The following GRAMD1B variants were observed in gnomAD, a reference collection of about 807,000 sequenced individuals.
GRAMD1B encodes protein Aster-B.
GRAMD1B carries 37 observed loss-of-function variants against 99.7 expected under a neutral mutation model. The observed-to-expected ratio is 0.37, with a 90% CI of 0.29 to 0.49. GRAMD1B has a LOEUF of 0.49. Among genes scored for constraint, GRAMD1B ranks in the 20% least tolerant of loss-of-function variants. The pLI is 0.98. For synonymous variants in GRAMD1B, 427 were observed against 387.6 expected, an observed-to-expected ratio of 1.10 and a Z score of -1.19; for missense variants, 888 against 1,009.2, an observed-to-expected ratio of 0.88 and a Z score of 1.63.
chr11:123,588,501 G>A (rs1363386446), intron 4 of GRAMD1B, among the ~76,000 whole-genome samples: 11 of 152,162 alleles, frequency 7.2e-5, no homozygotes, highest in Admixed American at 7.2e-4. Flanking sequence ...ATGTTTTTGG[G>A]TAGTTACTGT....
chr11:123,381,878 G>A (rs565468612), intron 1 of GRAMD1B, among the ~76,000 whole-genome samples: 1 of 152,348 alleles, frequency 6.6e-6, no homozygotes, highest in Non-Finnish European at 1.5e-5. Context: ...CTAGCCTGAA[G>A]TCAGCCAGCT....
chr11:123,480,529 T>G (rs1951535891), intron 1 of GRAMD1B, among the ~76,000 whole-genome samples: 1 of 152,102 alleles, frequency 6.6e-6, no homozygotes, highest in African/African-American at 2.4e-5. Context: ...ATTTGCTCTT[T>G]GAGGTTTATA....
At chr11:123,432,227 G>C in intron 1 of GRAMD1B, 1 of 392,162 alleles carries the variant, frequency 2.5e-6, no homozygotes, top group Admixed American at 4.4e-5. Flanking sequence ...GTAAGGGGTT[G>C]TAGAGGCTGA....
intron 4 of GRAMD1B, among the ~76,000 whole-genome samples, chr11:123,588,382 C>T (rs758515869): frequency 6.6e-6 from 1 of 152,170 alleles, no homozygotes; most frequent in Admixed American, 6.5e-5. Context: ...GGAGACAAAG[C>T]CTTCTGCGTA....
At chr11:123,463,201 C>T (rs1285027124) in intron 1 of GRAMD1B, among the ~76,000 whole-genome samples, 1 of 152,150 alleles carries the variant, frequency 6.6e-6, no homozygotes, top group Non-Finnish European at 1.5e-5. Context: ...TCAGTAGAGT[C>T]GGGGTTTCAC....
intron 1 of GRAMD1B, among the ~76,000 whole-genome samples, chr11:123,409,183 T>C (rs1229482531): frequency 2.0e-5 from 3 of 152,242 alleles, no homozygotes; most frequent in Non-Finnish European, 4.4e-5. Flanking sequence ...GTGCTTTTGA[T>C]AATTATGGTA....
chr11:123,568,702 A>G (rs1947695506), intron 2 of GRAMD1B, among the ~76,000 whole-genome samples: 1 of 152,166 alleles, frequency 6.6e-6, no homozygotes, highest in African/African-American at 2.4e-5. Context: ...GAAGTGTGGC[A>G]CGCCTGGACC....
chr11:123,548,419 T>C (rs1410575045), intron 2 of GRAMD1B, among the ~76,000 whole-genome samples: 1 of 148,536 alleles, frequency 6.7e-6, no homozygotes, highest in African/African-American at 2.5e-5. Flanking sequence ...CTCAAAGCAG[T>C]GTGGGCACAA....
At chr11:123,438,934 G>T (rs1186295348) in intron 1 of GRAMD1B, among the ~76,000 whole-genome samples, 11 of 152,218 alleles carry the variant, frequency 7.2e-5, no homozygotes, top group African/African-American at 2.7e-4. Context: ...TAGACCTGGG[G>T]CCAAGGCTGG....
chr11:123,534,864 CAAA>C (rs1033813571), intron 2 of GRAMD1B, among the ~76,000 whole-genome samples: 1 of 147,048 alleles, frequency 6.8e-6, no homozygotes, highest in Non-Finnish European at 1.5e-5. Context: ...AACTCCATCT[CAAA>C]GAAAAAAAAA....
intron 2 of GRAMD1B, among the ~76,000 whole-genome samples, chr11:123,549,229 C>T (rs924393965): frequency 6.6e-6 from 1 of 152,136 alleles, no homozygotes; most frequent in African/African-American, 2.4e-5. Flanking sequence ...CTTCTTAACA[C>T]TTGCAGAGCT....
At chr11:123,615,100 A>C (rs1645075426) in intron 17 of GRAMD1B, among the ~76,000 whole-genome samples, 2 of 152,226 alleles carry the variant, frequency 1.3e-5, no homozygotes, top group Admixed American at 1.3e-4. Context: ...TCAGGGTTTC[A>C]GTTTCAAGTG....
At position 123,591,882 on chromosome 11, in the gene GRAMD1B, T is replaced by C. The variant is rs76573866; in HGVS notation, c.685-2200T>C. 0.013 allele frequency among the ~76,000 whole-genome samples: 1,989 copies of C among 152,234 alleles called. 30 individuals are homozygous for C. The highest frequency in any genetic ancestry group is 0.033 in the African/African-American group (1,381 of 41,550). On this transcript the variant is annotated intron_variant, in intron 4 of 19. Coordinates refer to ENST00000635736, the MANE Select transcript of GRAMD1B (RefSeq NM_001387025.1). This position sits in a 1 kb window ranked among gnomAD's most constrained non-coding sequence, Gnocchi z 4.7. Reference sequence around the variant, plus strand: ...CTTAGCAGGCCAGGGCTGGATTCACTCTCCCCTCTCCCTGCCACTGCTACA... The same window carrying C: ...CTTAGCAGGCCAGGGCTGGATTCACCCTCCCCTCTCCCTGCCACTGCTACA...
At position 123,492,047 on chromosome 11, in the gene GRAMD1B, G is replaced by A; in HGVS notation, c.452+11154G>A. The A allele has an allele frequency of 2.5e-6, 1 of 397,034 alleles. No homozygotes were observed. Among genetic ancestry groups the A allele is most frequent in the East Asian group, 3.6e-5 (1 of 28,004 alleles). The allele number at this position is 397,034 out of a possible 1,614,324, so 24.6% of individuals were successfully genotyped here. A position where few individuals can be genotyped will look rare whatever the true frequency, so the allele number is the denominator to read the frequency against. ...GATATTGTAGGTCCCTGCCCAAGAG[G>A]GACACTCGGTGATCCATTGCAAGAG... is the stretch of plus-strand genomic sequence containing the variant. On this transcript the variant is annotated intron_variant, in intron 2 of 19. Transcript: ENST00000635736. This position sits in a 1 kb window ranked among gnomAD's most constrained non-coding sequence, Gnocchi z 4.2.
intron 2 of GRAMD1B, among the ~76,000 whole-genome samples, chr11:123,552,588 A>G (rs1020698627): frequency 1.2e-4 from 18 of 152,196 alleles, no homozygotes; most frequent in African/African-American, 4.1e-4. Context: ...TCAAAACCAA[A>G]AAGATTACAG....
Position 123,510,987 on chromosome 11 carries a change from ACTTAT to A in GRAMD1B, c.452+30095_452+30099del, listed in dbSNP as rs1253227697. On this transcript the variant is annotated intron_variant, in intron 2 of 19. Coordinates refer to ENST00000635736, the MANE Select transcript of GRAMD1B (RefSeq NM_001387025.1). The surrounding 1 kb of genome is among the most constrained non-coding windows in gnomAD (Gnocchi z 4.3). ...GTATCTGTAGCTTTCATCTGCACTC[ACTTAT>A]ATGTCCGTTGTTTTCTTTAGCCTTG... is the stretch of plus-strand genomic sequence containing the variant. Among the ~76,000 whole-genome samples the A allele has an allele frequency of 6.6e-6, 1 of 151,770 alleles. No individual in the cohort carries two copies. The highest frequency in any genetic ancestry group is 1.5e-5 in the Non-Finnish European group (1 of 67,948).
At chr11:123,442,917 T>A (rs1949477402) in intron 1 of GRAMD1B, among the ~76,000 whole-genome samples, 1 of 150,840 alleles carries the variant, frequency 6.6e-6, no homozygotes, top group African/African-American at 2.4e-5. Context: ...ATGGCATTTG[T>A]AAATGGTCAT....
intron 9 of GRAMD1B, among the ~76,000 whole-genome samples, 176 bp from the exon 10 acceptor site, chr11:123,605,146 A>C (rs976895774): frequency 8.5e-5 from 13 of 152,090 alleles, no homozygotes; most frequent in African/African-American, 2.7e-4. Flanking sequence ...TATGAAGGAG[A>C]TTTCAGAAGA....
chr11:123,549,368 C>A lies in GRAMD1B; in HGVS notation c.453-27999C>A, dbSNP rs1945384303. Among the ~76,000 whole-genome samples, 3 of 152,042 alleles carry A rather than the reference C, an allele frequency of 2.0e-5. No individual in the cohort carries two copies. In the South Asian group the frequency reaches 6.2e-4, roughly 32 times the overall value. On this transcript the variant is annotated intron_variant, in intron 2 of 19. Transcript: ENST00000635736. ...AACCATCCTGGCTAAGACGGTGAAA[C>A]CATCTCTACTAAAAATACAAAAAAT... is the stretch of plus-strand genomic sequence containing the variant.
Sources: gnomAD v4.1 joint callset for allele counts (sites outside exome capture counted in the v4.1 genomes callset) on GRCh38, gnomAD v4.1.1 for gene constraint, Gnocchi (gnomAD v3.1) non-coding constraint, MANE v1.5 for transcripts, NCBI Gene and HGNC (gene_info 2026-07-23, HGNC 2026-07-21) for gene names.